The following SRPRB variants were observed in gnomAD, a reference collection of about 807,000 sequenced individuals.
The protein encoded by SRPRB is SRP receptor subunit beta.
SRPRB carries 20 observed loss-of-function variants against 31.9 expected under a neutral mutation model. That is an observed-to-expected ratio of 0.63 (90% CI 0.44 to 0.91). The LOEUF is 0.91. SRPRB is among the 40% of genes least tolerant of loss of function. The pLI is 0.00. For synonymous variants in SRPRB, 146 were observed against 132.8 expected (o/e 1.10, Z -0.68); for missense variants, 321 against 324.9 (o/e 0.99, Z 0.09).
rs534602636 is a variant in SRPRB, at chr3:133,814,658, C to T, written c.411-932C>T. On this transcript the variant is annotated intron_variant, in intron 4 of 6. Coordinates refer to ENST00000678299, the MANE Select transcript of SRPRB (RefSeq NM_001379313.1). Reference sequence around the variant, plus strand: ...TTCATCATGTTGCCCAGACTTGTCTCGAACTCCTGACCTCAAGTGATCTGC... The same window carrying T: ...TTCATCATGTTGCCCAGACTTGTCTTGAACTCCTGACCTCAAGTGATCTGC... Among the ~76,000 whole-genome samples, 13 of 152,068 alleles carry T rather than the reference C, an allele frequency of 8.5e-5. No homozygotes were observed. In the South Asian group the frequency reaches 2.3e-3, roughly 27 times the overall value.
chr3:133,828,412 G>C, downstream of SRPRB: 1 of 359,214 alleles, frequency 2.8e-6, no homozygotes, highest in Non-Finnish European at 5.1e-6. Context: ...TGTGGAAAAG[G>C]TTCTCTATAA....
chr3:133,825,857 C>G (rs954977768), downstream of SRPRB: 1 of 152,178 alleles, frequency 6.6e-6, no homozygotes, highest in Non-Finnish European at 1.5e-5. Context: ...AGAACATTTC[C>G]TCAAAGGAAT....
At chr3:133,815,215 A>G (rs1306180030) in intron 4 of SRPRB, among the ~76,000 whole-genome samples, 2 of 152,184 alleles carry the variant, frequency 1.3e-5, no homozygotes, top group Non-Finnish European at 2.9e-5. Context: ...GATTCAACTC[A>G]ACTGTTACAT....
chr3:133,784,847 A>T (rs1934616531), intron 1 of SRPRB: 1 of 152,340 alleles, frequency 6.6e-6, no homozygotes, highest in Non-Finnish European at 1.5e-5. Context: ...CACACTGGTC[A>T]TATTTAGAAG....
At chr3:133,814,964 G>A (rs907011698) in intron 4 of SRPRB, among the ~76,000 whole-genome samples, 3 of 152,142 alleles carry the variant, frequency 2.0e-5, no homozygotes, top group Admixed American at 6.5e-5. Flanking sequence ...ATTGTGTCAC[G>A]CCTCACTGTC....
At chr3:133,827,176 A>G (rs1935578280), downstream of SRPRB, 1 of 152,308 alleles carries the variant, frequency 6.6e-6, no homozygotes, top group Admixed American at 6.5e-5. Context: ...ACTGCCTGCC[A>G]TTTCAGATTA....
intron 1 of SRPRB, chr3:133,789,166 T>C (rs1164212463): frequency 6.6e-6 from 1 of 152,408 alleles, no homozygotes; most frequent in African/African-American, 2.4e-5. Context: ...TGGCAGCAGT[T>C]CTAAGGACTA....
chr3:133,793,624 TTA>T (rs895002708), intron 1 of SRPRB: 2 of 152,216 alleles, frequency 1.3e-5, no homozygotes, highest in African/African-American at 4.8e-5. Context: ...ATTATGATTA[TTA>T]TGTTATTGTA....
At chr3:133,814,348 G>T (rs1295044415) in intron 4 of SRPRB, among the ~76,000 whole-genome samples, 2 of 152,130 alleles carry the variant, frequency 1.3e-5, no homozygotes, top group Non-Finnish European at 2.9e-5. Context: ...AGCCAGGATG[G>T]TCTCGATCTC....
At chr3:133,822,442 A>G (rs1935488386), downstream of SRPRB, among the ~76,000 whole-genome samples, 2 of 152,132 alleles carry the variant, frequency 1.3e-5, no homozygotes, top group African/African-American at 4.8e-5. Context: ...TAAGCACTGC[A>G]CTGTTTCTTC....
At chr3:133,785,766 AGAAAGGCGG>A (rs1339028212) in intron 1 of SRPRB, 1 of 64,302 alleles carries the variant, frequency 1.6e-5, no homozygotes, top group African/African-American at 5.7e-5. Context: ...CTTGTGGAAT[AGAAAGGCGG>A]GAAAGGCGGG....
At chr3:133,827,943 G>C, downstream of SRPRB, 1 of 702,974 alleles carries the variant, frequency 1.4e-6, no homozygotes, top group South Asian at 1.5e-5. Flanking sequence ...TGGCACCCCA[G>C]TCTATAAACC....
chr3:133,787,676 TTACAAAA>T (rs1934721997), intron 1 of SRPRB: 1 of 152,202 alleles, frequency 6.6e-6, no homozygotes, highest in Non-Finnish European at 1.5e-5. Context: ...AGGGAAGAAA[TTACAAAA>T]GATGTTTTGC....
At chr3:133,790,486 G>T (rs1278415901) in intron 1 of SRPRB, 1 of 152,174 alleles carries the variant, frequency 6.6e-6, no homozygotes, top group Admixed American at 6.5e-5. Context: ...AAACAATGTA[G>T]TAAGGAACCA....
At chr3:133,800,444 C>T (rs572867729) in intron 1 of SRPRB, among the ~76,000 whole-genome samples, 2 of 152,306 alleles carry the variant, frequency 1.3e-5, no homozygotes, top group East Asian at 1.9e-4. Context: ...TCTTGTGTTT[C>T]CAGTGGACTC....
chr3:133,799,302 C>T (rs1037529449), intron 1 of SRPRB, among the ~76,000 whole-genome samples: 8 of 152,064 alleles, frequency 5.3e-5, no homozygotes, highest in African/African-American at 1.9e-4. Context: ...CATTAGAGGA[C>T]CACAGTGATT....
At position 133,805,832 on chromosome 3, in the gene SRPRB, G is replaced by A; in HGVS notation, c.-17G>A. 1 of 1,599,952 alleles carries A rather than the reference G, an allele frequency of 6.3e-7. No homozygotes were observed. Among genetic ancestry groups the A allele is most frequent in the South Asian group, 1.1e-5 (1 of 87,842 alleles). On this transcript the variant is annotated 5_prime_UTR_variant, in exon 1 of 7. Coordinates refer to ENST00000678299, the MANE Select transcript of SRPRB (RefSeq NM_001379313.1). ...GCCACGTCGCTTTTGCTGTACCGGGGACCACGCGTCTCATCCATGGCTTCC... is the reference window on the plus strand; with the variant it reads ...GCCACGTCGCTTTTGCTGTACCGGGAACCACGCGTCTCATCCATGGCTTCC...
At chr3:133,804,113 A>AAG (rs1935107609), upstream of SRPRB, among the ~76,000 whole-genome samples, 1 of 150,694 alleles carries the variant, frequency 6.6e-6, no homozygotes, top group Non-Finnish European at 1.5e-5. Flanking sequence ...AAAAAAAAAA[A>AAG]AAAGAAAAAA....
downstream of SRPRB, chr3:133,825,549 A>C (rs1935547218): frequency 6.6e-6 from 1 of 152,248 alleles, no homozygotes; most frequent in Non-Finnish European, 1.5e-5. Context: ...CTTGGATCAC[A>C]CAACTGCAGC....
Sources: allele counts gnomAD v4.1 joint callset (sites outside exome capture counted in the v4.1 genomes callset), GRCh38; gene constraint gnomAD v4.1.1; transcripts MANE v1.5; gene names NCBI Gene and HGNC (gene_info 2026-07-23, HGNC 2026-07-21).